The following POLR2D variants were observed in gnomAD, a reference collection of about 807,000 sequenced individuals.
POLR2D encodes the protein RNA polymerase II subunit D.
In POLR2D, 10 loss-of-function variants were observed where a neutral mutation model predicts 17.6. The ratio of observed to expected loss-of-function variants is 0.57; its 90% confidence interval spans 0.35 to 0.96. The LOEUF is 0.96. POLR2D is among the 40% of genes least tolerant of loss of function. POLR2D has a pLI of 0.02. For synonymous variants in POLR2D, 52 were observed against 60.2 expected, an observed-to-expected ratio of 0.86 and a Z score of 0.63; for missense variants, 126 against 176.4, an observed-to-expected ratio of 0.71 and a Z score of 1.62.
intron 1 of POLR2D, among the ~76,000 whole-genome samples, chr2:127,855,802 T>TACACACACAC (rs3836128): frequency 6.6e-6 from 1 of 151,192 alleles, no homozygotes; most frequent in East Asian, 1.9e-4. Context: ...CGCGCGCACA[T>TACACACACAC]ACACACACAC....
At chr2:127,850,440 C>CAAAAAAAAAA (rs60975701) in intron 3 of POLR2D, 150 bp downstream of exon 3, 35 of 108,464 alleles carry the variant, frequency 3.2e-4, no homozygotes, top group East Asian at 1.5e-3. Flanking sequence ...AACTCCGTCT[C>CAAAAAAAAAA]AAAAAAAAAA....
In POLR2D at chr2:127,845,788, C is replaced by T. The variant is rs1303403951; in HGVS notation, c.*2319G>A. ...CATCTATCTATACTAGCTCATCTGC[C>T]TGAGATGCTAAGAATAGTGAACATT... On this transcript the variant is annotated 3_prime_UTR_variant, in exon 4 of 4. Coordinates refer to ENST00000272645, the MANE Select transcript of POLR2D (RefSeq NM_004805.4). The T allele has an allele frequency of 6.6e-6, 1 of 152,152 alleles. No homozygotes were observed. The allele number at this position is 152,152 out of a possible 1,614,324, so 9.4% of individuals were successfully genotyped here.
chr2:127,851,484 C>T lies in POLR2D; in HGVS notation c.255-799G>A, dbSNP rs144541324. On this transcript the variant is annotated intron_variant, in intron 2 of 3. Coordinates refer to ENST00000272645, the MANE Select transcript of POLR2D (RefSeq NM_004805.4). ...GGCTTAGCAGCTCATGCCTGTAATC[C>T]TAGCACTTTGGGAGGCCAAGGCAGG... Among the ~76,000 whole-genome samples the T allele has an allele frequency of 3.6e-3, 541 of 152,236 alleles. 2 individuals carry two copies. The highest frequency in any genetic ancestry group is 0.012 in the African/African-American group (515 of 41,544).
intron 1 of POLR2D, among the ~76,000 whole-genome samples, chr2:127,855,272 A>C (rs1357298841): frequency 6.6e-6 from 1 of 151,384 alleles, no homozygotes; most frequent in African/African-American, 2.4e-5. Flanking sequence ...ACATGACTGT[A>C]CTCCCACCTA....
chr2:127,856,360 T>C (rs1690330460), intron 1 of POLR2D, among the ~76,000 whole-genome samples: 1 of 128,750 alleles, frequency 7.8e-6, no homozygotes, highest in African/African-American at 3.0e-5. Context: ...GAGGCCAAGG[T>C]GGGTGGATCA....
In POLR2D at chr2:127,847,903, C is replaced by G; in HGVS notation, c.*204G>C. On this transcript the variant is annotated 3_prime_UTR_variant, in exon 4 of 4. Coordinates refer to ENST00000272645, the MANE Select transcript of POLR2D (RefSeq NM_004805.4). ...CAGGAAGCCACTGGCTGCCACTGCA[C>G]AAGGCTGCTCCAAGATTCCATGTCA... 1.7e-6 allele frequency: 1 copy of G among 595,356 alleles called. No individual in the cohort carries two copies. Among genetic ancestry groups the G allele is most frequent in the Non-Finnish European group, 3.0e-6 (1 of 332,906 alleles). 36.9% of individuals were successfully genotyped at this position (595,356 alleles called of 1,614,324 possible). A position where few individuals can be genotyped will look rare whatever the true frequency, so the allele number is the denominator to read the frequency against.
Position 127,852,925 on chromosome 2 carries a change from C to T in POLR2D, c.254G>A (p.Ser85Asn). Reference protein sequence around the residue: ...KNRETIASVRSLLLQKKLHKF... With the variant: ...KNRETIASVRNLLLQKKLHKF... ...ATAAAAACTTTCTTTTAGCACTCAC[C>T]TACGAACACTGGCAATGGTCTCTCT... Residue 85 changes from serine (S) to asparagine (N), a missense_variant and splice_region_variant, in exon 2 of 4, where the codon AGC (serine) becomes AAC (asparagine). Coordinates refer to ENST00000272645, the MANE Select transcript of POLR2D (RefSeq NM_004805.4). This position sits in a 1 kb window ranked among gnomAD's most constrained non-coding sequence, Gnocchi z 4.0. The T allele has an allele frequency of 1.2e-6, 2 of 1,611,884 alleles. No individual in the cohort carries two copies. The highest frequency in any genetic ancestry group is 1.7e-6 in the Non-Finnish European group (2 of 1,178,338).
At position 127,850,735 on chromosome 2, in the gene POLR2D, A is replaced by G. The variant is rs1404338467; in HGVS notation, c.255-50T>C. On this transcript the variant is annotated intron_variant, in intron 2 of 3. Coordinates refer to ENST00000272645, the MANE Select transcript of POLR2D (RefSeq NM_004805.4). Reference sequence around the variant, plus strand: ...TCAAAATAATCAAAAACAAATAAACAACAAAAATCAAAGAGTAATCAACAG... The same window carrying G: ...TCAAAATAATCAAAAACAAATAAACGACAAAAATCAAAGAGTAATCAACAG... 4.4e-6 allele frequency: 4 copies of G among 905,518 alleles called. No homozygotes were observed. In the East Asian group the frequency reaches 9.6e-5, roughly 22 times the overall value. The allele number at this position is 905,518 out of a possible 1,614,324, so 56.1% of individuals were successfully genotyped here. A position where few individuals can be genotyped will look rare whatever the true frequency, so the allele number is the denominator to read the frequency against.
chr2:127,850,730 TAAAC>T (rs757620796), intron 2 of POLR2D, 45 bp from the exon 3 acceptor site: 30 of 934,980 alleles, frequency 3.2e-5, no homozygotes, highest in South Asian at 2.0e-4. Context: ...CAAAAACAAA[TAAAC>T]AACAAAAATC....
intron 1 of POLR2D, among the ~76,000 whole-genome samples, chr2:127,856,494 G>A (rs1426857115): frequency 6.6e-6 from 1 of 151,014 alleles, no homozygotes; most frequent in East Asian, 2.0e-4. Context: ...GGAGGCTGAG[G>A]CAGGATGGCT....
Position 127,848,023 on chromosome 2 carries a change from T to G in POLR2D, c.*84A>C, listed in dbSNP as rs557296468. 1 of 947,386 alleles carries G rather than the reference T, an allele frequency of 1.1e-6. No individual in the cohort carries two copies. The highest frequency in any genetic ancestry group is 1.7e-6 in the Non-Finnish European group (1 of 575,412). 58.7% of individuals were successfully genotyped at this position (947,386 alleles called of 1,614,324 possible). Reference sequence around the variant, plus strand: ...ATTCTCAACTGTCTTCAACAGAATTTCTGTGCAAGTCAGCCCCAGACAGTG... The same window carrying G: ...ATTCTCAACTGTCTTCAACAGAATTGCTGTGCAAGTCAGCCCCAGACAGTG... On this transcript the variant is annotated 3_prime_UTR_variant, in exon 4 of 4. Coordinates refer to ENST00000272645, the MANE Select transcript of POLR2D (RefSeq NM_004805.4).
chr2:127,857,964 T>G, intron 1 of POLR2D, 64 bp downstream of exon 1: 1 of 1,547,510 alleles, frequency 6.5e-7, no homozygotes, highest in South Asian at 1.2e-5. Flanking sequence ...GAAGCGCGCA[T>G]AACGCCAGGC....
chr2:127,858,150 C>T lies in POLR2D; in HGVS notation c.-50G>A, dbSNP rs1248983992. On this transcript the variant is annotated 5_prime_UTR_variant, in exon 1 of 4. Transcript: ENST00000272645. ...ACCAGCGCCGCCGGAAGCAGAAGCGCGGAGCAACGGCCGCGGAAGGGGCGT... is the reference window on the plus strand; with the variant it reads ...ACCAGCGCCGCCGGAAGCAGAAGCGTGGAGCAACGGCCGCGGAAGGGGCGT... The T allele has an allele frequency of 1.5e-6, 2 of 1,349,784 alleles. No individual in the cohort carries two copies. Among genetic ancestry groups the T allele is most frequent in the East Asian group, 3.1e-5 (1 of 32,518 alleles). The allele number at this position is 1,349,784 out of a possible 1,614,324, so 83.6% of individuals were successfully genotyped here.
In POLR2D at chr2:127,852,518, A is replaced by T. The variant is rs1359530006; in HGVS notation, c.254+407T>A. ...ACCTCAGCTCCACAAAGTGTGGATT[A>T]CAGGTGTAAGCCACCACACCTGGCT... On this transcript the variant is annotated intron_variant, in intron 2 of 3. Coordinates refer to ENST00000272645, the MANE Select transcript of POLR2D (RefSeq NM_004805.4). The surrounding 1 kb of genome is among the most constrained non-coding windows in gnomAD (Gnocchi z 4.0). Among the ~76,000 whole-genome samples the T allele has an allele frequency of 6.6e-6, 1 of 152,004 alleles. No homozygotes were observed. Among genetic ancestry groups the T allele is most frequent in the African/African-American group, 2.4e-5 (1 of 41,382 alleles).
chr2:127,844,829 T>A lies in POLR2D; in HGVS notation c.*3278A>T, dbSNP rs1192545847. On this transcript the variant is annotated 3_prime_UTR_variant, in exon 4 of 4. Transcript: ENST00000272645. ...CCACCACACGTGGCCAATTTTTGTA[T>A]TTTTAGTAGAGACAGGGTTTCACAA... 6.6e-6 allele frequency: 1 copy of A among 152,182 alleles called. No individual in the cohort carries two copies. Among genetic ancestry groups the A allele is most frequent in the Non-Finnish European group, 1.5e-5 (1 of 68,050 alleles). The allele number at this position is 152,182 out of a possible 1,614,324, so 9.4% of individuals were successfully genotyped here.
Position 127,847,874 on chromosome 2 carries a change from C to T in POLR2D, c.*233G>A, listed in dbSNP as rs1050972205. The T allele has an allele frequency of 1.3e-5, 7 of 541,480 alleles. No homozygotes were observed. The highest frequency in any genetic ancestry group is 6.2e-5 in the South Asian group (3 of 48,426). 33.5% of individuals were successfully genotyped at this position (541,480 alleles called of 1,614,324 possible). ...CCTCATCTCACACTTCGCAGAGGCA[C>T]GTTCAGGAAGCCACTGGCTGCCACT... On this transcript the variant is annotated 3_prime_UTR_variant, in exon 4 of 4. Transcript: ENST00000272645.
intron 1 of POLR2D, among the ~76,000 whole-genome samples, chr2:127,854,278 TC>T (rs1690295313): frequency 6.6e-6 from 1 of 152,210 alleles, no homozygotes; most frequent in Non-Finnish European, 1.5e-5. Context: ...AATCATTCTC[TC>T]CCTTACGTTC....
Position 127,844,147 on chromosome 2 carries a change from C to T in POLR2D, c.*3960G>A, listed in dbSNP as rs370921164. Reference sequence around the variant, plus strand: ...AAAAAGCCTGGTCCTTCCATCCCTTCTACCATAAGGAGTGTTCATTCCCTA... The same window carrying T: ...AAAAAGCCTGGTCCTTCCATCCCTTTTACCATAAGGAGTGTTCATTCCCTA... On this transcript the variant is annotated 3_prime_UTR_variant, in exon 4 of 4. Transcript: ENST00000272645. The T allele has an allele frequency of 9.1e-5, 13 of 143,634 alleles. No homozygotes were observed. The East Asian group carries it at 2.7e-3, about 30-fold the overall frequency. 8.9% of individuals were successfully genotyped at this position (143,634 alleles called of 1,614,324 possible). A position where few individuals can be genotyped will look rare whatever the true frequency, so the allele number is the denominator to read the frequency against.
At chr2:127,855,607 T>G (rs1408330888) in intron 1 of POLR2D, among the ~76,000 whole-genome samples, 3 of 152,032 alleles carry the variant, frequency 2.0e-5, no homozygotes, top group Non-Finnish European at 2.9e-5. Context: ...TAACTCAGAG[T>G]GCCTAGGAAA....
Sources: gnomAD v4.1 joint callset for allele counts (sites outside exome capture counted in the v4.1 genomes callset) on GRCh38, gnomAD v4.1.1 for gene constraint, Gnocchi (gnomAD v3.1) non-coding constraint, MANE v1.5 for transcripts, NCBI Gene and HGNC (gene_info 2026-07-23, HGNC 2026-07-21) for gene names.